The following TRAF3 variants were observed in gnomAD, a reference collection of about 807,000 sequenced individuals.
The protein encoded by TRAF3 is TNF receptor-associated factor 3.
Under a neutral mutation model 62.3 loss-of-function variants are expected in TRAF3, and 13 were observed. The ratio of observed to expected loss-of-function variants is 0.21; its 90% confidence interval spans 0.14 to 0.33. TRAF3 has a LOEUF of 0.33. Among genes scored for constraint, TRAF3 ranks in the 10% least tolerant of loss-of-function variants. The pLI, the probability that TRAF3 is intolerant of heterozygous loss-of-function variation, is 1.00. For synonymous variants in TRAF3, 269 were observed against 283.4 expected (o/e 0.95, Z 0.51); for missense variants, 440 against 741.8 (o/e 0.59, Z 4.73).
At chr14:102,885,552 G>A (rs781262807) in intron 6 of TRAF3, among the ~76,000 whole-genome samples, 2 of 152,174 alleles carry the variant, frequency 1.3e-5, no homozygotes, top group African/African-American at 2.4e-5. Flanking sequence ...CTTAATAGTC[G>A]CCATCATCCA....
intron 1 of TRAF3, among the ~76,000 whole-genome samples, chr14:102,793,722 G>T (rs144655671): frequency 4.3e-4 from 65 of 152,282 alleles, no homozygotes; most frequent in African/African-American, 1.4e-3. Context: ...ATCAGGGAAG[G>T]GAACTCTATT....
chr14:102,868,251 G>GTTTCC (rs1888121103), intron 2 of TRAF3, among the ~76,000 whole-genome samples: 1 of 152,182 alleles, frequency 6.6e-6, no homozygotes, highest in African/African-American at 2.4e-5. Flanking sequence ...GATGGAGGAG[G>GTTTCC]CATGGAGGTG....
chr14:102,821,195 ATTG>A (rs1046910792), intron 1 of TRAF3, among the ~76,000 whole-genome samples: 3 of 152,162 alleles, frequency 2.0e-5, no homozygotes, highest in African/African-American at 7.2e-5. Context: ...TATATTAAAG[ATTG>A]TTCTTTTAAT....
intron 2 of TRAF3, among the ~76,000 whole-genome samples, chr14:102,853,303 C>G (rs1225569868): frequency 6.6e-6 from 1 of 151,992 alleles, no homozygotes; most frequent in African/African-American, 2.4e-5. Flanking sequence ...TCCCAAAGTG[C>G]TGGGATTACA....
At chr14:102,833,512 G>A (rs1001602760) in intron 2 of TRAF3, among the ~76,000 whole-genome samples, 2 of 152,156 alleles carry the variant, frequency 1.3e-5, no homozygotes, top group Non-Finnish European at 2.9e-5. Flanking sequence ...CATATTGTGA[G>A]GGGTAGCAAA....
At chr14:102,864,371 A>G (rs1347931008) in intron 2 of TRAF3, among the ~76,000 whole-genome samples, 1 of 151,782 alleles carries the variant, frequency 6.6e-6, no homozygotes, top group Non-Finnish European at 1.5e-5. Flanking sequence ...GATGGTCTCG[A>G]TCTCCTGACC....
At chr14:102,843,982 T>C (rs1478621479) in intron 2 of TRAF3, among the ~76,000 whole-genome samples, 1 of 152,254 alleles carries the variant, frequency 6.6e-6, no homozygotes, top group Non-Finnish European at 1.5e-5. Flanking sequence ...TATATACATT[T>C]GAAAATTTAG....
chr14:102,799,705 C>T (rs1261780602), intron 1 of TRAF3, among the ~76,000 whole-genome samples: 1 of 152,152 alleles, frequency 6.6e-6, no homozygotes, highest in Non-Finnish European at 1.5e-5. Context: ...CGTGCCTTGG[C>T]ATCTCAAGTG....
intron 1 of TRAF3, among the ~76,000 whole-genome samples, chr14:102,807,433 A>G (rs1898842305): frequency 1.3e-5 from 2 of 151,974 alleles, no homozygotes; most frequent in South Asian, 4.2e-4. Context: ...AGCCATCCCC[A>G]CAGGGCTGTG....
intron 9 of TRAF3, among the ~76,000 whole-genome samples, chr14:102,896,929 A>G (rs1455756734): frequency 6.6e-6 from 1 of 152,144 alleles, no homozygotes; most frequent in Non-Finnish European, 1.5e-5. Flanking sequence ...GCCTAACCAG[A>G]CATGGTGGTG....
chr14:102,834,734 G>A (rs1022420111), intron 2 of TRAF3, among the ~76,000 whole-genome samples: 1 of 146,654 alleles, frequency 6.8e-6, no homozygotes, highest in African/African-American at 2.6e-5. Context: ...CCTACACCAT[G>A]CACAAAAATC....
At chr14:102,847,831 A>G (rs1303883032) in intron 2 of TRAF3, among the ~76,000 whole-genome samples, 1 of 152,192 alleles carries the variant, frequency 6.6e-6, no homozygotes, top group Non-Finnish European at 1.5e-5. Flanking sequence ...TTCTATATAC[A>G]TGGCACTTTG....
Position 102,826,781 on chromosome 14 carries a change from G to A in TRAF3, c.-156-3553G>A, listed in dbSNP as rs149101152. Among the ~76,000 whole-genome samples the A allele has an allele frequency of 5.5e-4, 84 of 152,304 alleles. No individual in the cohort carries two copies. Among genetic ancestry groups the A allele is most frequent in the African/African-American group, 1.7e-3 (71 of 41,558 alleles). ...AGAAAACCATCTGAGCAGAGGCCGC[G>A]TGGACTGTCACCTCTGTCAGGGGTG... On this transcript the variant is annotated intron_variant, in intron 1 of 11. Transcript: ENST00000392745. This position sits in a 1 kb window ranked among gnomAD's most constrained non-coding sequence, Gnocchi z 4.6.
chr14:102,886,331 C>T (rs1214715339), intron 7 of TRAF3, 62 bp downstream of exon 7: 8 of 1,432,030 alleles, frequency 5.6e-6, no homozygotes, highest in Non-Finnish European at 7.7e-6. Context: ...GCCTGGCTCC[C>T]CTTCCCTGCA....
intron 1 of TRAF3, among the ~76,000 whole-genome samples, chr14:102,819,213 C>G (rs574622636): frequency 2.0e-5 from 3 of 152,124 alleles, no homozygotes; most frequent in Admixed American, 1.3e-4. Flanking sequence ...GCCACTCTTG[C>G]TGTGCCTGTG....
chr14:102,795,375 G>A (rs575973293), intron 1 of TRAF3, among the ~76,000 whole-genome samples: 219 of 152,304 alleles, frequency 1.4e-3, no homozygotes, highest in Admixed American at 3.1e-3. Context: ...TGTGTTCCAT[G>A]AGTGCCCCTT....
At chr14:102,833,081 G>A (rs375088525) in intron 2 of TRAF3, among the ~76,000 whole-genome samples, 12 of 152,054 alleles carry the variant, frequency 7.9e-5, no homozygotes, top group East Asian at 1.9e-4. Context: ...GGTACTTTTC[G>A]TCTCACACAC....
chr14:102,870,747 G>A (rs1888294740), intron 3 of TRAF3, among the ~76,000 whole-genome samples: 1 of 152,196 alleles, frequency 6.6e-6, no homozygotes, highest in Non-Finnish European at 1.5e-5. Flanking sequence ...ACAGTTCCAT[G>A]GAGGAGATAC....
intron 1 of TRAF3, among the ~76,000 whole-genome samples, chr14:102,816,428 A>C (rs114020780): frequency 3.2e-4 from 49 of 152,306 alleles, no homozygotes; most frequent in African/African-American, 1.2e-3. Context: ...CTAGCCCCAC[A>C]CACCAGATTT....
Sources: gnomAD v4.1 joint callset for allele counts (sites outside exome capture counted in the v4.1 genomes callset) on GRCh38, gnomAD v4.1.1 for gene constraint, Gnocchi (gnomAD v3.1) non-coding constraint, MANE v1.5 for transcripts, NCBI Gene and HGNC (gene_info 2026-07-23, HGNC 2026-07-21) for gene names.